The following GON4L variants were observed in gnomAD, a reference collection of about 807,000 sequenced individuals.
GON4L encodes GON-4-like protein.
In GON4L, 87 loss-of-function variants were observed where a neutral mutation model predicts 211.8. The observed-to-expected ratio is 0.41, with a 90% CI of 0.35 to 0.49. The LOEUF (loss-of-function observed/expected upper bound fraction) is 0.49. Among genes scored for constraint, GON4L ranks in the 20% least tolerant of loss-of-function variants. The pLI is 0.15. For synonymous variants in GON4L, 875 were observed against 962.6 expected (o/e 0.91, Z 1.68); for missense variants, 2,155 against 2,659.5 (o/e 0.81, Z 4.17).
At chr1:155,849,555 A>G (rs1399053050) in intron 2 of GON4L, among the ~76,000 whole-genome samples, 2 of 150,676 alleles carry the variant, frequency 1.3e-5, no homozygotes, top group Non-Finnish European at 3.0e-5. Flanking sequence ...AAAAAAAAAA[A>G]AAAAAAAAGG....
chr1:155,804,908 T>A (rs780638774), intron 11 of GON4L, 41 bp downstream of exon 11: 7 of 1,424,996 alleles, frequency 4.9e-6, no homozygotes, highest in Non-Finnish European at 6.0e-6. Flanking sequence ...TTACAACAGA[T>A]AATGGACAGT....
chr1:155,801,312 AG>A (rs1461291574), intron 11 of GON4L, among the ~76,000 whole-genome samples: 3 of 151,996 alleles, frequency 2.0e-5, no homozygotes, highest in East Asian at 1.9e-4. Flanking sequence ...AGATTGTCAA[AG>A]GGGTGAGTAA....
chr1:155,788,636 C>G (rs928641033), intron 12 of GON4L, among the ~76,000 whole-genome samples: 4 of 152,076 alleles, frequency 2.6e-5, no homozygotes, highest in Non-Finnish European at 4.4e-5. Context: ...ATATACACAA[C>G]GAAATTCTAC....
chr1:155,809,996 A>AAATTATATACATATCTAATTATAAAT (rs1426968473), intron 10 of GON4L, among the ~76,000 whole-genome samples: 1 of 132,064 alleles, frequency 7.6e-6, no homozygotes, highest in Non-Finnish European at 1.6e-5. Context: ...ATATAATTAT[A>AAATTATATACATATCTAATTATAAAT]TATATATATA....
Position 155,762,492 on chromosome 1 carries a change from A to G in GON4L, c.4727-118T>C, listed in dbSNP as rs901733228. On this transcript the variant is annotated intron_variant, in intron 22 of 31. Transcript: ENST00000368331. The stretch of plus-strand genomic sequence containing the variant: ...CAATATTATGGAGCAATTCAAGGAA[A>G]AGGTTTTTGGGAAAATGGTATGAGA... 14 of 850,988 alleles carry G rather than the reference A, an allele frequency of 1.6e-5. No individual in the cohort carries two copies. The African/African-American group carries it at 2.2e-4, about 13-fold the overall frequency. The allele number at this position is 850,988 out of a possible 1,614,324, so 52.7% of individuals were successfully genotyped here.
Position 155,766,669 on chromosome 1 carries a change from G to A in GON4L, c.2804C>T (p.Ala935Val), listed in dbSNP as rs1272396328. The change falls in exon 21 of 32, where the codon GCT becomes GTT. Residue 935 changes from alanine (A) to valine (V), a missense_variant. Ala to Val is a moderately conservative substitution (Grantham distance 64, BLOSUM62 0). Transcript: ENST00000368331. ...PSIQEELRHM[A>V]DGAREVGNMT... is the part of the protein sequence containing the mutation. ...ATTTCCTACCTCTCTAGCACCATCA[G>A]CCATGTGCCGCAGTTCTTCCTGGAT... 9 of 1,614,148 alleles carry A rather than the reference G, an allele frequency of 5.6e-6. No individual in the cohort carries two copies. The East Asian group carries it at 8.9e-5, about 16-fold the overall frequency.
At chr1:155,805,938 C>T (rs1197593304) in intron 10 of GON4L, among the ~76,000 whole-genome samples, 1 of 151,852 alleles carries the variant, frequency 6.6e-6, no homozygotes, top group Admixed American at 6.6e-5. Context: ...ATCTGCCCAC[C>T]TCAGCCTCCC....
chr1:155,832,841 G>A (rs1669925517), intron 2 of GON4L: 1 of 151,800 alleles, frequency 6.6e-6, no homozygotes, highest in African/African-American at 2.4e-5. Context: ...CTAAACAGCA[G>A]GGCTACGGGT....
chr1:155,855,479 C>A (rs1672187212), intron 1 of GON4L, among the ~76,000 whole-genome samples: 3 of 152,126 alleles, frequency 2.0e-5, no homozygotes, highest in Admixed American at 6.6e-5. Flanking sequence ...ACCTCAGCCT[C>A]CCAAGTCATT....
chr1:155,810,804 G>A (rs1166313122), intron 10 of GON4L, among the ~76,000 whole-genome samples: 1 of 151,650 alleles, frequency 6.6e-6, no homozygotes, highest in Non-Finnish European at 1.5e-5. Flanking sequence ...GATCACCTAA[G>A]GCCAGTTCAA....
intron 2 of GON4L, among the ~76,000 whole-genome samples, chr1:155,828,309 T>C (rs1443529894): frequency 6.7e-6 from 1 of 149,692 alleles, no homozygotes; most frequent in African/African-American, 2.5e-5. Flanking sequence ...GCCAACATGA[T>C]GAAACCTCGG....
chr1:155,781,139 TTATTAC>T (rs1664378013), intron 14 of GON4L, among the ~76,000 whole-genome samples: 1 of 151,528 alleles, frequency 6.6e-6, no homozygotes, highest in African/African-American at 2.4e-5. Context: ...ATTATTATTA[TTATTAC>T]TATTATTTTT....
At chr1:155,840,465 G>T (rs1670669177) in intron 2 of GON4L, among the ~76,000 whole-genome samples, 1 of 152,022 alleles carries the variant, frequency 6.6e-6, no homozygotes, top group African/African-American at 2.4e-5. Flanking sequence ...CTTGTTGCTG[G>T]GCTTTATCAA....
At chr1:155,778,101 C>G (rs1664018777) in intron 14 of GON4L, among the ~76,000 whole-genome samples, 2 of 152,234 alleles carry the variant, frequency 1.3e-5, no homozygotes, top group East Asian at 3.9e-4. Flanking sequence ...ATGCTAGGAA[C>G]AGAGAAATAT....
rs1314562016 is a variant in GON4L, at chr1:155,766,272, C to T, written c.3201G>A (p.Glu1067=). 1.9e-6 allele frequency: 3 copies of T among 1,614,112 alleles called. No individual in the cohort carries two copies. The highest frequency in any genetic ancestry group is 2.5e-6 in the Non-Finnish European group (3 of 1,180,028). Residue 1067 remains glutamate (E), a synonymous_variant, in exon 21 of 32, where the codon GAG becomes GAA. Transcript: ENST00000368331. ...PLGVSGGESF[E]SPAALPAVPP... is the part of the protein sequence containing the mutation. ...GCACAGCAGGCAGTGCTGCAGGAGA[C>T]TCAAAACTCTCACCTCCACTGACCC...
intron 12 of GON4L, among the ~76,000 whole-genome samples, chr1:155,786,098 A>AC (rs1557861294): frequency 4.6e-5 from 3 of 65,020 alleles, no homozygotes; most frequent in South Asian, 9.7e-4. Flanking sequence ...TCTGTCTCAA[A>AC]AAACAACAAC....
chr1:155,777,510 C>T (rs2101851413), intron 15 of GON4L, 112 bp downstream of exon 15: 11 of 835,300 alleles, frequency 1.3e-5, no homozygotes, highest in South Asian at 1.2e-4. Flanking sequence ...GCCCAGAAAG[C>T]AGAGGTTGAA....
intron 22 of GON4L, among the ~76,000 whole-genome samples, chr1:155,762,803 C>T (rs1326489485): frequency 1.3e-5 from 2 of 152,104 alleles, no homozygotes; most frequent in East Asian, 1.9e-4. Context: ...TCTGGGAGGC[C>T]GAGGCGGGTG....
chr1:155,779,452 G>A (rs963435366), intron 14 of GON4L, among the ~76,000 whole-genome samples: 4 of 148,406 alleles, frequency 2.7e-5, no homozygotes, highest in Non-Finnish European at 6.0e-5. Flanking sequence ...GAGTAGCTGG[G>A]ACTACAGACA....
Sources: allele counts gnomAD v4.1 joint callset (sites outside exome capture counted in the v4.1 genomes callset), GRCh38; gene constraint gnomAD v4.1.1; transcripts MANE v1.5; gene names NCBI Gene and HGNC (gene_info 2026-07-23, HGNC 2026-07-21).